ANKRD30A: variants seen among roughly 807,000 people sequenced by gnomAD.
ANKRD30A encodes ankyrin repeat domain-containing protein 30A.
In ANKRD30A, 170 loss-of-function variants were observed where a neutral mutation model predicts 166.3. The ratio of observed to expected loss-of-function variants is 1.02; its 90% CI spans 0.90 to 1.16. The LOEUF (loss-of-function observed/expected upper bound fraction) is 1.16. ANKRD30A is among the 50% of genes most tolerant of loss of function. The pLI is 0.00. For synonymous variants in ANKRD30A, 564 were observed against 508.9 expected (o/e 1.11, Z -1.46); for missense variants, 1,630 against 1,518.0 (o/e 1.07, Z -1.23).
At chr10:37,136,770 C>A in intron 6 of ANKRD30A, 99 bp downstream of exon 6, 1 of 561,940 alleles carries the variant, frequency 1.8e-6, no homozygotes, top group Admixed American at 3.9e-5. Context: ...GTGTAAATAG[C>A]ATGTGTTTAC....
chr10:37,167,430 T>A (rs954664232), intron 19 of ANKRD30A, among the ~76,000 whole-genome samples: 1 of 151,388 alleles, frequency 6.6e-6, no homozygotes, highest in African/African-American at 2.4e-5. Flanking sequence ...TAAAACCTCA[T>A]TAGCAAATAA....
intron 12 of ANKRD30A, among the ~76,000 whole-genome samples, 185 bp from the exon 13 acceptor site, chr10:37,153,387 T>C (rs1049582376): frequency 6.6e-6 from 1 of 152,136 alleles, no homozygotes; most frequent in African/African-American, 2.4e-5. Context: ...CAGCTTGATG[T>C]AGAGAGGGTT....
At chr10:37,158,371 T>C in intron 13 of ANKRD30A, 21 bp from the exon 14 acceptor site, 5 of 1,603,860 alleles carry the variant, frequency 3.1e-6, no homozygotes, top group East Asian at 2.2e-5. Context: ...TAATCAATTA[T>C]GTATGTCCCT....
At chr10:37,191,212 T>G (rs1401767387) in intron 25 of ANKRD30A, among the ~76,000 whole-genome samples, 2 of 151,894 alleles carry the variant, frequency 1.3e-5, no homozygotes, top group African/African-American at 4.8e-5. Flanking sequence ...TAAGAGATAT[T>G]GAGATGAGTA....
intron 19 of ANKRD30A, among the ~76,000 whole-genome samples, chr10:37,167,619 T>C (rs1171674510): frequency 1.3e-5 from 2 of 151,868 alleles, no homozygotes; most frequent in Admixed American, 6.6e-5. Flanking sequence ...GAAAGCTTAT[T>C]AAATTTGCCA....
chr10:37,199,579 G>C (rs1010662321), intron 29 of ANKRD30A, 148 bp from the exon 30 acceptor site: 2 of 448,238 alleles, frequency 4.5e-6, no homozygotes, highest in African/African-American at 4.2e-5. Flanking sequence ...ATTGACTATA[G>C]GAAGTAGTCA....
chr10:37,220,479 G>A (rs1016144330), intron 34 of ANKRD30A, among the ~76,000 whole-genome samples: 1 of 150,710 alleles, frequency 6.6e-6, no homozygotes, highest in African/African-American at 2.4e-5. Context: ...ATGTCAATTT[G>A]ACTTAAATCT....
At chr10:37,153,733 C>A (rs576060552) in intron 13 of ANKRD30A, 71 bp downstream of exon 13, 9 of 1,576,182 alleles carry the variant, frequency 5.7e-6, no homozygotes, top group Non-Finnish European at 6.9e-6. Context: ...GGGATATCCT[C>A]TAGTAGCTGA....
At chr10:37,164,041 C>T (rs904563094) in intron 17 of ANKRD30A, among the ~76,000 whole-genome samples, 2 of 146,338 alleles carry the variant, frequency 1.4e-5, no homozygotes, top group African/African-American at 5.0e-5. Flanking sequence ...TGGTGACTTA[C>T]CAAAGTGTGA....
At chr10:37,198,545 A>C (rs1198866201) in intron 29 of ANKRD30A, among the ~76,000 whole-genome samples, 1 of 152,066 alleles carries the variant, frequency 6.6e-6, no homozygotes, top group Non-Finnish European at 1.5e-5. Context: ...TTCCTTGTTC[A>C]ATCATGCATT....
chr10:37,239,708 T>C, the ANKRD30A span, among the ~76,000 whole-genome samples: 6 of 152,254 alleles, frequency 3.9e-5, no homozygotes, highest in East Asian at 1.2e-3. Context: ...TTATTTGTAA[T>C]TTTTTCTCAG....
intron 27 of ANKRD30A, among the ~76,000 whole-genome samples, chr10:37,195,266 G>C (rs530119409): frequency 6.6e-6 from 1 of 152,196 alleles, no homozygotes; most frequent in East Asian, 1.9e-4. Context: ...TTTTCAAAAA[G>C]ATATAAATCA....
At chr10:37,229,245 A>T (rs570642172) in intron 34 of ANKRD30A, among the ~76,000 whole-genome samples, 11 of 151,730 alleles carry the variant, frequency 7.2e-5, no homozygotes, top group Non-Finnish European at 1.5e-4. Flanking sequence ...TGCCCTTGGT[A>T]CCCCCTTCTC....
Position 37,219,295 on chromosome 10 carries a change from A to T in ANKRD30A, c.3583A>T (p.Ile1195Phe), listed in dbSNP as rs1842760728. ...KQDKEILEAE[I>F]ESHHPRLASA... Reference sequence around the variant, plus strand: ...AGACAAAGAAATACTAGAGGCAGAAATTGAATCACACCATCCTAGACTGGC... The same window carrying T: ...AGACAAAGAAATACTAGAGGCAGAATTTGAATCACACCATCCTAGACTGGC... Residue 1195 changes from isoleucine (I) to phenylalanine (F), a missense_variant, in exon 34 of 36, where the codon ATT (isoleucine) becomes TTT (phenylalanine). By Grantham distance (21) the Ile-to-Phe change is conservative. Coordinates refer to ENST00000361713, the MANE Select transcript of ANKRD30A (RefSeq NM_052997.3). 1 of 1,610,330 alleles carries T rather than the reference A, an allele frequency of 6.2e-7. No individual in the cohort carries two copies. Among genetic ancestry groups the T allele is most frequent in the Admixed American group, 1.7e-5 (1 of 59,654 alleles).
At chr10:37,203,755 ATCT>A (rs1841804691) in intron 31 of ANKRD30A, among the ~76,000 whole-genome samples, 1 of 152,216 alleles carries the variant, frequency 6.6e-6, no homozygotes, top group Non-Finnish European at 1.5e-5. Context: ...TCAGCCCGAA[ATCT>A]TCTTAAGCTG....
intron 31 of ANKRD30A, 114 bp from the exon 32 acceptor site, chr10:37,216,067 C>A (rs765414016): frequency 9.4e-6 from 6 of 637,228 alleles, no homozygotes; most frequent in Non-Finnish European, 1.2e-5. Flanking sequence ...ATGCCTTCCA[C>A]GTGGTAGGCA....
rs1415471422 is a variant in ANKRD30A, at chr10:37,219,443, A to G, written c.3731A>G (p.Tyr1244Cys). 1.2e-6 allele frequency: 2 copies of G among 1,610,298 alleles called. No individual in the cohort carries two copies. Among genetic ancestry groups the G allele is most frequent in the East Asian group, 2.2e-5 (1 of 44,734 alleles). The change falls in exon 34 of 36, where the codon TAT becomes TGT. Residue 1244 changes from tyrosine to cysteine, a missense_variant. Transcript: ENST00000361713. ...KMNVDVSSTI[Y>C]NNEVLHQPLS... Reference sequence around the variant, plus strand: ...AATGTTGATGTGAGTAGTACGATATATAACAATGAGGTGCTCCATCAACCA... The same window carrying G: ...AATGTTGATGTGAGTAGTACGATATGTAACAATGAGGTGCTCCATCAACCA...
At chr10:37,195,341 C>A (rs183940804) in intron 27 of ANKRD30A, among the ~76,000 whole-genome samples, 2 of 152,044 alleles carry the variant, frequency 1.3e-5, no homozygotes, top group African/African-American at 2.4e-5. Flanking sequence ...TGTCTCATGG[C>A]GCTGTGCTCT....
At chr10:37,215,340 G>C (rs1206225207) in intron 31 of ANKRD30A, among the ~76,000 whole-genome samples, 1 of 151,272 alleles carries the variant, frequency 6.6e-6, no homozygotes, top group Non-Finnish European at 1.5e-5. Context: ...CCCCGACCCA[G>C]CTTGGTCTTA....
Sources: allele counts gnomAD v4.1 joint callset (sites outside exome capture counted in the v4.1 genomes callset), GRCh38; gene constraint gnomAD v4.1.1; transcripts MANE v1.5; gene names NCBI Gene and HGNC (gene_info 2026-07-23, HGNC 2026-07-21).